Variants in TGIF2 observed in about 807,000 individuals in gnomAD.
TGIF2 encodes TGFB induced factor homeobox 2.
In TGIF2, 5 loss-of-function variants were observed where a neutral mutation model predicts 15.1. The observed-to-expected ratio is 0.33, with a 90% CI of 0.17 to 0.70. TGIF2 has a LOEUF of 0.70. TGIF2 is among the 30% of genes least tolerant of loss of function. TGIF2 has a pLI of 0.67. For synonymous variants in TGIF2, 131 were observed against 128.9 expected (o/e 1.02, Z -0.11); for missense variants, 264 against 302.5 (o/e 0.87, Z 0.94).
In TGIF2 at chr20:36,591,750, C is replaced by T. The variant is rs2074174518; in HGVS notation, c.*319C>T. ...CTTTGTTCCAGCCTGGTTTCCTGGG[C>T]TGGGCTCAGGAAAGCTGCCAAATTC... On this transcript the variant is annotated 3_prime_UTR_variant, in exon 3 of 3. Transcript: ENST00000373872. This position sits in a 1 kb window ranked among gnomAD's most constrained non-coding sequence, Gnocchi z 5.3. The T allele has an allele frequency of 4.1e-6, 1 of 241,260 alleles. No individual in the cohort carries two copies. The highest frequency in any genetic ancestry group is 5.0e-5 in the Admixed American group (1 of 20,132). 14.9% of individuals were successfully genotyped at this position (241,260 alleles called of 1,614,324 possible). A position where few individuals can be genotyped will look rare whatever the true frequency, so the allele number is the denominator to read the frequency against.
At chr20:36,581,869 TC>T (rs1275357982) in intron 2 of TGIF2, among the ~76,000 whole-genome samples, 1 of 152,082 alleles carries the variant, frequency 6.6e-6, no homozygotes, top group African/African-American at 2.4e-5. Flanking sequence ...CCTCAAGTAA[TC>T]CGTCCACCTC....
intron 1 of TGIF2, among the ~76,000 whole-genome samples, chr20:36,576,068 G>C (rs563715357): frequency 6.6e-6 from 1 of 151,806 alleles, no homozygotes; most frequent in African/African-American, 2.4e-5. Context: ...CTCCAGCCTA[G>C]GCTACAGAGC....
chr20:36,587,762 T>C (rs1286382630), intron 2 of TGIF2, among the ~76,000 whole-genome samples: 2 of 152,030 alleles, frequency 1.3e-5, no homozygotes, highest in African/African-American at 2.4e-5. Flanking sequence ...TAATTAGATA[T>C]GAAATGTGAA....
Position 36,593,925 on chromosome 20 carries a change from T to A in TGIF2, c.*2494T>A, listed in dbSNP as rs1327146287. 1 of 152,304 alleles carries A rather than the reference T, an allele frequency of 6.6e-6. No individual in the cohort carries two copies. The highest frequency in any genetic ancestry group is 6.6e-5 in the Admixed American group (1 of 15,236). The allele number at this position is 152,304 out of a possible 1,614,324, so 9.4% of individuals were successfully genotyped here. A position where few individuals can be genotyped will look rare whatever the true frequency, so the allele number is the denominator to read the frequency against. ...CTTTTTTGTCTTTTGTCAAATAAAA[T>A]TTTTTTTTGTTTTTTTAAGCAGAAA... On this transcript the variant is annotated 3_prime_UTR_variant, in exon 3 of 3. Coordinates refer to ENST00000373872, the MANE Select transcript of TGIF2 (RefSeq NM_021809.7).
intron 2 of TGIF2, among the ~76,000 whole-genome samples, chr20:36,585,965 G>A (rs1487217664): frequency 6.6e-6 from 1 of 152,208 alleles, no homozygotes; most frequent in Non-Finnish European, 1.5e-5. Flanking sequence ...CCTTCCCAAA[G>A]CCCATACCGG....
At position 36,593,804 on chromosome 20, in the gene TGIF2, T is replaced by C. The variant is rs977901747; in HGVS notation, c.*2373T>C. ...CCATTATGTAAAATGGGGTGTTGGG[T>C]AGGGCAGACTCTGCTTGGGTTTGGT... On this transcript the variant is annotated 3_prime_UTR_variant, in exon 3 of 3. Transcript: ENST00000373872. 1.3e-5 allele frequency: 2 copies of C among 152,672 alleles called. No homozygotes were observed. The highest frequency in any genetic ancestry group is 4.8e-5 in the African/African-American group (2 of 41,452). 9.5% of individuals were successfully genotyped at this position (152,672 alleles called of 1,614,324 possible).
chr20:36,586,690 A>AC (rs2038664072), intron 2 of TGIF2, among the ~76,000 whole-genome samples: 1 of 102,308 alleles, frequency 9.8e-6, no homozygotes, highest in Non-Finnish European at 2.1e-5. Flanking sequence ...GTGAGACTCC[A>AC]TTTCCCCCCC....
chr20:36,587,963 G>A (rs1340639007), intron 2 of TGIF2, among the ~76,000 whole-genome samples: 1 of 151,958 alleles, frequency 6.6e-6, no homozygotes, highest in African/African-American at 2.4e-5. Flanking sequence ...CCAGCTACTC[G>A]GGAGGCTGAG....
chr20:36,590,713 C>T (rs1034791594), intron 2 of TGIF2, among the ~76,000 whole-genome samples, 197 bp from the exon 3 acceptor site: 1 of 152,102 alleles, frequency 6.6e-6, no homozygotes. Context: ...CACAGGGGTG[C>T]ACCACTACAC....
intron 1 of TGIF2, among the ~76,000 whole-genome samples, chr20:36,577,201 T>A (rs998418651): frequency 4.0e-5 from 6 of 151,852 alleles, no homozygotes; most frequent in East Asian, 1.9e-4. Context: ...TTTATTTTTT[T>A]ATTTTTTTCT....
At chr20:36,579,613 G>A (rs1259018194) in intron 2 of TGIF2, among the ~76,000 whole-genome samples, 1 of 152,206 alleles carries the variant, frequency 6.6e-6, no homozygotes, top group East Asian at 1.9e-4. Flanking sequence ...GTATTGGACG[G>A]CGACTTGGTT....
intron 2 of TGIF2, among the ~76,000 whole-genome samples, chr20:36,579,639 A>G (rs2038504048): frequency 6.6e-6 from 1 of 152,168 alleles, no homozygotes; most frequent in Non-Finnish European, 1.5e-5. Context: ...GGGCAGCTGT[A>G]ATTTGCAGTG....
intron 2 of TGIF2, among the ~76,000 whole-genome samples, chr20:36,589,394 CTT>C (rs201244590): frequency 9.3e-5 from 13 of 140,280 alleles, no homozygotes; most frequent in Non-Finnish European, 1.1e-4. Flanking sequence ...TCTAACTTGA[CTT>C]TTTTTTTTTT....
At chr20:36,588,355 CTTTTTTTTTTTTTT>C (rs397802665) in intron 2 of TGIF2, among the ~76,000 whole-genome samples, 2 of 60,384 alleles carry the variant, frequency 3.3e-5, no homozygotes, top group African/African-American at 6.9e-5. Context: ...GCCCTTCCTT[CTTTTTTTTTTTTTT>C]TTTTTTTTTT....
chr20:36,581,650 TGGAG>T (rs2038548272), intron 2 of TGIF2, among the ~76,000 whole-genome samples: 1 of 151,980 alleles, frequency 6.6e-6, no homozygotes, highest in Non-Finnish European at 1.5e-5. Context: ...GTGTGTGTGA[TGGAG>T]TCTTGCTCTG....
intron 2 of TGIF2, among the ~76,000 whole-genome samples, chr20:36,583,075 G>T (rs1209426876): frequency 1.3e-5 from 2 of 151,144 alleles, no homozygotes; most frequent in African/African-American, 4.9e-5. Context: ...CAGGCCAGGT[G>T]TTTTGAGGCC....
At chr20:36,589,533 C>T (rs2038726540) in intron 2 of TGIF2, among the ~76,000 whole-genome samples, 1 of 152,016 alleles carries the variant, frequency 6.6e-6, no homozygotes, top group Admixed American at 6.6e-5. Flanking sequence ...GCTGGGACTA[C>T]AGGCGCGTGC....
At chr20:36,581,127 CA>C (rs1438415602) in intron 2 of TGIF2, among the ~76,000 whole-genome samples, 1 of 151,866 alleles carries the variant, frequency 6.6e-6, no homozygotes, top group South Asian at 2.1e-4. Context: ...GACTCGGTCT[CA>C]AAAAAAACAC....
intron 1 of TGIF2, among the ~76,000 whole-genome samples, chr20:36,575,046 A>G (rs896626226): frequency 1.1e-4 from 16 of 151,014 alleles, no homozygotes; most frequent in African/African-American, 3.9e-4. Flanking sequence ...CCTGTCGGAG[A>G]GATCGGGGGT....
Sources: gnomAD v4.1 joint callset for allele counts (sites outside exome capture counted in the v4.1 genomes callset) on GRCh38, gnomAD v4.1.1 for gene constraint, Gnocchi (gnomAD v3.1) non-coding constraint, MANE v1.5 for transcripts, NCBI Gene and HGNC (gene_info 2026-07-23, HGNC 2026-07-21) for gene names.